Variants in TRDN observed in about 807,000 individuals in gnomAD.
TRDN encodes triadin, also known as triadin in skeletal muscle.
TRDN carries 161 observed loss-of-function variants against 149.7 expected under a neutral mutation model. The ratio of observed to expected loss-of-function variants is 1.08; its 90% CI spans 0.95 to 1.23. TRDN has a LOEUF of 1.23. TRDN is among the 50% of genes most tolerant of loss of function. TRDN has a pLI of 0.00. For missense variants in TRDN, 896 were observed against 823.5 expected, an observed-to-expected ratio of 1.09 and a Z score of -1.08; for synonymous variants, 294 against 250.5, an observed-to-expected ratio of 1.17 and a Z score of -1.64.
chr6:123,584,811 G>A (rs1255215931), intron 1 of TRDN, among the ~76,000 whole-genome samples: 2 of 152,128 alleles, frequency 1.3e-5, no homozygotes, highest in Non-Finnish European at 2.9e-5. Context: ...TGTGGAGGGA[G>A]GTATTGAGGA....
intron 10 of TRDN, among the ~76,000 whole-genome samples, chr6:123,444,718 T>G (rs1775199124): frequency 6.6e-6 from 1 of 151,982 alleles, no homozygotes; most frequent in Non-Finnish European, 1.5e-5. Flanking sequence ...TTATTGAGAG[T>G]TTTTAGCAAG....
chr6:123,560,057 C>T (rs1194990701), intron 2 of TRDN, among the ~76,000 whole-genome samples: 2 of 152,106 alleles, frequency 1.3e-5, no homozygotes, highest in Non-Finnish European at 2.9e-5. Context: ...AGGACTGCAC[C>T]CTGTAGCCTT....
intron 12 of TRDN, among the ~76,000 whole-genome samples, chr6:123,407,466 A>G (rs1009340501): frequency 3.3e-5 from 5 of 152,234 alleles, no homozygotes; most frequent in Middle Eastern, 3.4e-3. Context: ...CCTTGGGGCC[A>G]ACATAGTGCT....
chr6:123,219,593 G>T (rs1215568611), intron 40 of TRDN, among the ~76,000 whole-genome samples: 1 of 151,748 alleles, frequency 6.6e-6, no homozygotes, highest in Non-Finnish European at 1.5e-5. Flanking sequence ...ATAAAGCAAA[G>T]GATAGGAAAA....
At chr6:123,263,187 G>A (rs1776830646) in intron 33 of TRDN, among the ~76,000 whole-genome samples, 1 of 152,000 alleles carries the variant, frequency 6.6e-6, no homozygotes, top group Admixed American at 6.6e-5. Flanking sequence ...GCTAAGAAAG[G>A]GAAACAGCCT....
At chr6:123,545,484 T>G (rs1781065727) in intron 4 of TRDN, among the ~76,000 whole-genome samples, 1 of 151,952 alleles carries the variant, frequency 6.6e-6, no homozygotes, top group Non-Finnish European at 1.5e-5. Flanking sequence ...GAATTCACTT[T>G]CAACTAAGGT....
intron 10 of TRDN, among the ~76,000 whole-genome samples, chr6:123,444,689 C>T (rs553541754): frequency 1.8e-4 from 27 of 152,096 alleles, no homozygotes; most frequent in East Asian, 5.8e-4. Context: ...TTTTGAAATA[C>T]GGCCCATCAA....
intron 27 of TRDN, among the ~76,000 whole-genome samples, chr6:123,274,123 G>A (rs183694991): frequency 1.9e-3 from 284 of 152,172 alleles, no homozygotes; most frequent in African/African-American, 6.5e-3. Context: ...CAGATATTAA[G>A]TATAGGTAAT....
chr6:123,374,836 T>A (rs970348908), intron 19 of TRDN, among the ~76,000 whole-genome samples: 2 of 151,952 alleles, frequency 1.3e-5, no homozygotes, highest in African/African-American at 4.8e-5. Flanking sequence ...ATAACAGGCA[T>A]TTGTTTTATG....
intron 10 of TRDN, among the ~76,000 whole-genome samples, chr6:123,451,289 A>G (rs1217849318): frequency 6.6e-6 from 1 of 151,990 alleles, no homozygotes; most frequent in African/African-American, 2.4e-5. Context: ...ACAAAAAAAT[A>G]CAAAAGATAA....
At chr6:123,597,065 A>G (rs962267896) in intron 1 of TRDN, among the ~76,000 whole-genome samples, 3 of 152,120 alleles carry the variant, frequency 2.0e-5, no homozygotes, top group Admixed American at 1.3e-4. Flanking sequence ...TAAATGAAGC[A>G]AATTTACAAT....
intron 31 of TRDN, 149 bp from the exon 32 acceptor site, chr6:123,267,900 C>T (rs180752087): frequency 1.3e-5 from 8 of 610,766 alleles, no homozygotes; most frequent in East Asian, 1.2e-4. Context: ...AGCATATTGC[C>T]ATAAAAAAAT....
intron 1 of TRDN, among the ~76,000 whole-genome samples, chr6:123,627,324 A>C (rs1234406149): frequency 6.6e-6 from 1 of 152,166 alleles, no homozygotes; most frequent in Non-Finnish European, 1.5e-5. Context: ...CGAAAACAAC[A>C]TTAATCTTTT....
At chr6:123,304,252 C>CTTTTTTTTTT (rs71649806) in intron 24 of TRDN, among the ~76,000 whole-genome samples, 35 of 128,932 alleles carry the variant, frequency 2.7e-4, no homozygotes, top group Non-Finnish European at 3.6e-4. Context: ...CTTTTATTTT[C>CTTTTTTTTTT]TTTTTTTTTT....
chr6:123,351,201 G>A (rs1427192253), intron 21 of TRDN: 2 of 983,192 alleles, frequency 2.0e-6, no homozygotes, highest in Non-Finnish European at 1.2e-6. Context: ...TGTTGAAATT[G>A]ATTTTATAAG....
chr6:123,602,596 G>A (rs1784329381), intron 1 of TRDN, among the ~76,000 whole-genome samples: 1 of 151,974 alleles, frequency 6.6e-6, no homozygotes, highest in Non-Finnish European at 1.5e-5. Context: ...TAAAAAATGA[G>A]TTTGAAGAGC....
At chr6:123,328,653 G>C (rs1185766356) in intron 23 of TRDN, among the ~76,000 whole-genome samples, 1 of 152,090 alleles carries the variant, frequency 6.6e-6, no homozygotes, top group Non-Finnish European at 1.5e-5. Flanking sequence ...ACTTGCTTCA[G>C]GTCCTAGATG....
intron 8 of TRDN, chr6:123,503,397 A>T: frequency 1.0e-6 from 1 of 985,332 alleles, no homozygotes; most frequent in Non-Finnish European, 1.2e-6. Context: ...TACAATCTTT[A>T]TTCCACCTCT....
intron 12 of TRDN, among the ~76,000 whole-genome samples, chr6:123,401,667 G>A (rs974367926): frequency 6.6e-6 from 1 of 152,092 alleles, no homozygotes; most frequent in Non-Finnish European, 1.5e-5. Context: ...AAAGGAGGCC[G>A]GGTGTAGTGC....
Sources: allele counts gnomAD v4.1 joint callset (sites outside exome capture counted in the v4.1 genomes callset), GRCh38; gene constraint gnomAD v4.1.1; transcripts MANE v1.5; gene names NCBI Gene and HGNC (gene_info 2026-07-23, HGNC 2026-07-21).